The following GRIK2 variants were observed in gnomAD, a reference collection of about 807,000 sequenced individuals.
The protein encoded by GRIK2 is glutamate ionotropic receptor kainate type subunit 2.
In GRIK2, 32 loss-of-function variants were observed where a neutral mutation model predicts 100.3. That is an observed-to-expected ratio of 0.32 (90% confidence interval 0.24 to 0.43). The LOEUF is 0.43. Ranked by LOEUF, GRIK2 falls within the 20% of genes least tolerant of loss-of-function variation. The pLI, the probability that GRIK2 is intolerant of heterozygous loss-of-function variation, is 1.00. For missense variants in GRIK2, 843 were observed against 1,114.9 expected (o/e 0.76, Z 3.47); for synonymous variants, 417 against 389.4 (o/e 1.07, Z -0.83).
intron 15 of GRIK2, among the ~76,000 whole-genome samples, chr6:102,043,264 C>A (rs1770692015): frequency 7.4e-6 from 1 of 136,034 alleles, no homozygotes; most frequent in Non-Finnish European, 1.6e-5. Context: ...ATATCAATCA[C>A]CTCAGATACT....
rs58320962 is a variant in GRIK2, at chr6:101,909,382, C to CT, written c.1749-15205dup. 3.3e-3 allele frequency among the ~76,000 whole-genome samples: 415 copies of CT among 126,440 alleles called. 17 individuals are homozygous for CT. The highest frequency in any genetic ancestry group is 0.011 in the African/African-American group (358 of 33,132). The allele number at this position is 126,440 out of a possible 152,430, so 82.9% of individuals were successfully genotyped here. On this transcript the variant is annotated intron_variant, in intron 12 of 16. Coordinates refer to ENST00000369134, the MANE Select transcript of GRIK2 (RefSeq NM_021956.5). ...TGAAGGAAGATAGGGTTTTCTTTTT[C>CT]TTTTTTTTTTTTTTAAAGATCATTT...
intron 10 of GRIK2, among the ~76,000 whole-genome samples, chr6:101,824,286 C>T (rs1782169260): frequency 6.6e-6 from 1 of 152,184 alleles, no homozygotes; most frequent in Middle Eastern, 3.4e-3. Flanking sequence ...CCTCACACCC[C>T]TCTTGCCCTT....
At chr6:101,907,117 C>T (rs1788284277) in intron 12 of GRIK2, among the ~76,000 whole-genome samples, 1 of 151,596 alleles carries the variant, frequency 6.6e-6, no homozygotes, top group Admixed American at 6.6e-5. Flanking sequence ...AGTGTATCAA[C>T]TGTACAACAT....
chr6:101,772,626 T>A (rs1264731576), intron 7 of GRIK2, among the ~76,000 whole-genome samples: 1 of 148,672 alleles, frequency 6.7e-6, no homozygotes, highest in Non-Finnish European at 1.5e-5. Context: ...ATGAATAAAG[T>A]ATAATCTTGA....
At chr6:101,884,217 GA>G (rs1786461006) in intron 11 of GRIK2, among the ~76,000 whole-genome samples, 1 of 152,064 alleles carries the variant, frequency 6.6e-6, no homozygotes, top group Non-Finnish European at 1.5e-5. Context: ...ATTGAATATG[GA>G]TAATTAACTA....
chr6:101,638,059 G>A (rs1781107630), intron 4 of GRIK2, among the ~76,000 whole-genome samples: 1 of 151,742 alleles, frequency 6.6e-6, no homozygotes, highest in Admixed American at 6.6e-5. Flanking sequence ...CTTCATTTCT[G>A]TAGTAAGTCT....
intron 9 of GRIK2, among the ~76,000 whole-genome samples, chr6:101,803,385 G>A (rs1279237791): frequency 6.6e-6 from 1 of 151,786 alleles, no homozygotes; most frequent in African/African-American, 2.4e-5. Context: ...CCCCAAGACA[G>A]TTTTAAATAC....
chr6:101,862,549 C>T (rs1784789897), intron 11 of GRIK2, among the ~76,000 whole-genome samples: 1 of 151,896 alleles, frequency 6.6e-6, no homozygotes, highest in Non-Finnish European at 1.5e-5. Flanking sequence ...CTGCCTCAGC[C>T]TTGTGGGTAG....
intron 10 of GRIK2, among the ~76,000 whole-genome samples, chr6:101,845,851 T>A (rs2128437325): frequency 6.6e-6 from 1 of 152,288 alleles, no homozygotes; most frequent in South Asian, 2.1e-4. Context: ...TTATAAAACA[T>A]CCTGGTAGGT....
intron 14 of GRIK2, among the ~76,000 whole-genome samples, chr6:101,990,486 A>G (rs1345623504): frequency 6.6e-6 from 1 of 151,636 alleles, no homozygotes; most frequent in Non-Finnish European, 1.5e-5. Flanking sequence ...AAACTAATGA[A>G]TGAACCTCAT....
intron 2 of GRIK2, among the ~76,000 whole-genome samples, chr6:101,527,801 C>A (rs1582646801): frequency 1.3e-5 from 2 of 152,236 alleles, no homozygotes; most frequent in South Asian, 4.1e-4. Context: ...AATAGGTGTT[C>A]TTTTCTTATC....
At chr6:101,985,772 ATAAAAT>A (rs902420338) in intron 14 of GRIK2, among the ~76,000 whole-genome samples, 2 of 151,810 alleles carry the variant, frequency 1.3e-5, no homozygotes, top group African/African-American at 2.4e-5. Flanking sequence ...GGTGTGGAAA[ATAAAAT>A]TAAGAAAGAA....
At chr6:101,526,520 C>T (rs1775164659) in intron 2 of GRIK2, among the ~76,000 whole-genome samples, 1 of 152,076 alleles carries the variant, frequency 6.6e-6, no homozygotes, top group African/African-American at 2.4e-5. Context: ...ATTCTCTCAC[C>T]TTAAATGTGG....
chr6:101,780,760 A>G (rs1779033069), intron 7 of GRIK2, among the ~76,000 whole-genome samples: 1 of 152,212 alleles, frequency 6.6e-6, no homozygotes, highest in Non-Finnish European at 1.5e-5. Context: ...ATTTAGCAAA[A>G]GCAGATAAAT....
chr6:101,490,821 A>G (rs974572652), intron 2 of GRIK2, among the ~76,000 whole-genome samples: 1 of 146,476 alleles, frequency 6.8e-6, no homozygotes, highest in Non-Finnish European at 1.5e-5. Flanking sequence ...AAATCCTCAG[A>G]TTAATATAGG....
chr6:101,499,621 G>A (rs923612865), intron 2 of GRIK2, among the ~76,000 whole-genome samples: 1 of 151,898 alleles, frequency 6.6e-6, no homozygotes, highest in African/African-American at 2.4e-5. Flanking sequence ...TTGCTAATTT[G>A]TAATAGTTAA....
At chr6:102,028,027 T>C (rs1250950972) in intron 14 of GRIK2, among the ~76,000 whole-genome samples, 1 of 151,060 alleles carries the variant, frequency 6.6e-6, no homozygotes, top group Non-Finnish European at 1.5e-5. Context: ...ACTAAAACAT[T>C]CAGAAAAGAA....
At chr6:101,827,099 A>G (rs1226308177) in intron 10 of GRIK2, among the ~76,000 whole-genome samples, 1 of 151,998 alleles carries the variant, frequency 6.6e-6, no homozygotes, top group Non-Finnish European at 1.5e-5. Context: ...TCTTAGAATT[A>G]TAATTATGGC....
At chr6:102,051,728 A>G (rs560908588) in intron 15 of GRIK2, among the ~76,000 whole-genome samples, 16 of 152,174 alleles carry the variant, frequency 1.1e-4, no homozygotes, top group Admixed American at 2.6e-4. Context: ...ATTTTTGTCT[A>G]CCTTCCTCCA....
Sources: allele counts gnomAD v4.1 joint callset (sites outside exome capture counted in the v4.1 genomes callset), GRCh38; gene constraint gnomAD v4.1.1; transcripts MANE v1.5; gene names NCBI Gene and HGNC (gene_info 2026-07-23, HGNC 2026-07-21).